The following TTC28 variants were observed in gnomAD, a reference collection of about 807,000 sequenced individuals.
TTC28 encodes the protein tetratricopeptide repeat protein 28.
A neutral mutation model predicts 198.0 loss-of-function variants in TTC28; 61 were observed. That is an observed-to-expected ratio of 0.31 (90% CI 0.25 to 0.38). The LOEUF is 0.38. Ranked by LOEUF, TTC28 falls within the 10% of genes least tolerant of loss-of-function variation. The pLI is 1.00. For synonymous variants in TTC28, 1,171 were observed against 1,297.8 expected, an observed-to-expected ratio of 0.90 and a Z score of 2.10; for missense variants, 2,678 against 3,164.0, an observed-to-expected ratio of 0.85 and a Z score of 3.69.
intron 12 of TTC28, among the ~76,000 whole-genome samples, chr22:28,040,399 C>T (rs1276800742): frequency 2.0e-5 from 3 of 152,148 alleles, no homozygotes; most frequent in African/African-American, 4.8e-5. Flanking sequence ...ACGATCAAGT[C>T]GTCTTCATCC....
intron 6 of TTC28, among the ~76,000 whole-genome samples, chr22:28,136,091 T>C (rs1943193718): frequency 6.6e-6 from 1 of 152,188 alleles, no homozygotes; most frequent in African/African-American, 2.4e-5. Flanking sequence ...CTTACTATTT[T>C]TTGATAAAAT....
At chr22:28,627,419 T>A (rs2051093063) in intron 2 of TTC28, among the ~76,000 whole-genome samples, 1 of 151,602 alleles carries the variant, frequency 6.6e-6, no homozygotes, top group African/African-American at 2.4e-5. Flanking sequence ...TGGTATCACA[T>A]ACAATTTTTC....
At chr22:28,294,736 T>C (rs2044857950) in intron 5 of TTC28, among the ~76,000 whole-genome samples, 2 of 151,840 alleles carry the variant, frequency 1.3e-5, no homozygotes, top group South Asian at 4.2e-4. Flanking sequence ...ACCCAGCTAA[T>C]TTTTGTATTT....
intron 2 of TTC28, among the ~76,000 whole-genome samples, chr22:28,604,185 G>A (rs1450418300): frequency 6.6e-6 from 1 of 151,084 alleles, no homozygotes; most frequent in African/African-American, 2.4e-5. Context: ...GGCTGAGGCA[G>A]GAGAATCTCT....
chr22:28,251,590 T>C (rs1825474633), intron 5 of TTC28, among the ~76,000 whole-genome samples: 1 of 152,158 alleles, frequency 6.6e-6, no homozygotes, highest in African/African-American at 2.4e-5. Flanking sequence ...CTAACTGAAG[T>C]GTAAAGTGAT....
At chr22:28,445,042 C>T (rs2047682760) in intron 2 of TTC28, among the ~76,000 whole-genome samples, 2 of 152,188 alleles carry the variant, frequency 1.3e-5, no homozygotes, top group African/African-American at 4.8e-5. Context: ...GGCTTCTCTT[C>T]CCAACTTTCC....
At chr22:28,320,768 T>C (rs890217205) in intron 2 of TTC28, among the ~76,000 whole-genome samples, 3 of 152,192 alleles carry the variant, frequency 2.0e-5, no homozygotes, top group Admixed American at 1.3e-4. Context: ...AGAACATTTA[T>C]GTTTAGGGCA....
intron 9 of TTC28, among the ~76,000 whole-genome samples, 177 bp from the exon 10 acceptor site, chr22:28,099,221 T>C (rs73427716): frequency 0.029 from 4,491 of 152,288 alleles, 231 homozygotes; most frequent in African/African-American, 0.1. Context: ...CGGTCAAGAA[T>C]AGGCCGAGGC....
intron 2 of TTC28, among the ~76,000 whole-genome samples, chr22:28,426,048 T>C (rs2047344703): frequency 6.6e-6 from 1 of 151,860 alleles, no homozygotes; most frequent in African/African-American, 2.4e-5. Context: ...CCATCTCTAC[T>C]AAAAATACAA....
chr22:28,352,543 G>A (rs903159936), intron 2 of TTC28, among the ~76,000 whole-genome samples: 2 of 152,160 alleles, frequency 1.3e-5, no homozygotes, highest in African/African-American at 2.4e-5. Flanking sequence ...GAGGTAAGCA[G>A]GAGCTGGAGC....
At chr22:28,014,539 T>G (rs771753636) in intron 13 of TTC28, 147 bp from the exon 14 acceptor site, 11 of 894,670 alleles carry the variant, frequency 1.2e-5, no homozygotes, top group Non-Finnish European at 1.8e-5. Context: ...CTCCGTTCCC[T>G]TCTCTTCCCT....
intron 5 of TTC28, among the ~76,000 whole-genome samples, chr22:28,244,074 T>C (rs1462363382): frequency 6.6e-6 from 1 of 152,126 alleles, no homozygotes; most frequent in African/African-American, 2.4e-5. Flanking sequence ...ATTTCAGAAA[T>C]GCTAAAATGT....
At chr22:28,087,773 A>G (rs1941666349) in intron 12 of TTC28, among the ~76,000 whole-genome samples, 1 of 152,172 alleles carries the variant, frequency 6.6e-6, no homozygotes, top group Non-Finnish European at 1.5e-5. Flanking sequence ...CCACTGTCTC[A>G]GCCCAAAATC....
chr22:28,675,274 A>G (rs963486782), intron 1 of TTC28, among the ~76,000 whole-genome samples: 3 of 152,162 alleles, frequency 2.0e-5, no homozygotes, highest in Admixed American at 6.6e-5. Context: ...CAACCTAAAT[A>G]TAAGGGCTAA....
chr22:28,287,567 C>A lies in TTC28; in HGVS notation c.933+8631G>T, dbSNP rs962121530. 5.3e-5 allele frequency among the ~76,000 whole-genome samples: 8 copies of A among 152,008 alleles called. No homozygotes were observed. The East Asian group carries it at 1.5e-3, about 29-fold the overall frequency. ...TGTTGCTAAGGAGTCAAAGATGAGG[C>A]CTTCTATGCAAAGAGACCAGAAAGA... is the stretch of plus-strand genomic sequence containing the variant. On this transcript the variant is annotated intron_variant, in intron 5 of 22. Transcript: ENST00000397906.
chr22:28,098,869 C>G, intron 10 of TTC28, 46 bp downstream of exon 10: 1 of 1,541,340 alleles, frequency 6.5e-7, no homozygotes, highest in Non-Finnish European at 8.8e-7. Flanking sequence ...CGCACCCGTG[C>G]GCACTAGTGC....
At position 28,547,202 on chromosome 22, in the gene TTC28, A is replaced by ATG. The variant is rs148933625; in HGVS notation, c.381+82348_381+82349dup. ...TTTTAAGATCTCTCTGCATGTGTGTATGTGTGTGTGTGAGTGTGTGTGTGT... is the reference window on the plus strand; with the variant it reads ...TTTTAAGATCTCTCTGCATGTGTGTATGTGTGTGTGTGTGAGTGTGTGTGTGT... On this transcript the variant is annotated intron_variant, in intron 2 of 22. Transcript: ENST00000397906. 2.4e-3 allele frequency among the ~76,000 whole-genome samples: 352 copies of ATG among 149,652 alleles called. 2 individuals carry two copies. Among genetic ancestry groups the ATG allele is most frequent in the African/African-American group, 8.3e-3 (341 of 41,002 alleles).
chr22:28,378,171 T>C (rs769415962), intron 2 of TTC28, among the ~76,000 whole-genome samples: 4 of 151,956 alleles, frequency 2.6e-5, no homozygotes, highest in Non-Finnish European at 5.9e-5. Context: ...GGCAAAACTC[T>C]GTCTCTACTA....
rs538563857 is a variant in TTC28, at chr22:28,488,460, A to G, written c.381+141092T>C. 5.9e-5 allele frequency among the ~76,000 whole-genome samples: 9 copies of G among 152,332 alleles called. 1 individual carries two copies. Among genetic ancestry groups the G allele is most frequent in the African/African-American group, 2.2e-4 (9 of 41,582 alleles). On this transcript the variant is annotated intron_variant, in intron 2 of 22. Coordinates refer to ENST00000397906, the MANE Select transcript of TTC28 (RefSeq NM_001145418.2). Reference sequence around the variant, plus strand: ...AAGCTTGAGGCAGTTACAGTAAGACATGCTGAAACTCTTGGTAAACCTGCA... The same window carrying G: ...AAGCTTGAGGCAGTTACAGTAAGACGTGCTGAAACTCTTGGTAAACCTGCA...
Sources: allele counts gnomAD v4.1 joint callset (sites outside exome capture counted in the v4.1 genomes callset), GRCh38; gene constraint gnomAD v4.1.1; transcripts MANE v1.5; gene names NCBI Gene and HGNC (gene_info 2026-07-23, HGNC 2026-07-21).